DAB2IP: variants seen among roughly 807,000 people sequenced by gnomAD.
DAB2IP encodes disabled homolog 2-interacting protein.
In DAB2IP, 28 loss-of-function variants were observed where a neutral mutation model predicts 107.2. The ratio of observed to expected loss-of-function variants is 0.26; its 90% CI spans 0.19 to 0.36. The LOEUF (loss-of-function observed/expected upper bound fraction) is 0.36, where lower values mean the gene tolerates loss of function less well. Among genes scored for constraint, DAB2IP ranks in the 10% least tolerant of loss-of-function variants. DAB2IP has a pLI of 1.00. For synonymous variants in DAB2IP, 755 were observed against 706.4 expected, an observed-to-expected ratio of 1.07 and a Z score of -1.09; for missense variants, 1,400 against 1,644.7, an observed-to-expected ratio of 0.85 and a Z score of 2.57.
chr9:121,661,478 G>T (rs1348644301), intron 1 of DAB2IP, among the ~76,000 whole-genome samples: 1 of 152,028 alleles, frequency 6.6e-6, no homozygotes, highest in East Asian at 1.9e-4. Context: ...GAGCTTCAGG[G>T]AACCCAGGCT....
rs376689383 is a variant in DAB2IP, at chr9:121,746,862, G to T, written c.363-10151G>T. ...GGCTGTTGGAGGTATTTATGGTCCC[G>T]GGTGGGGTGCAGGGACCAGTTAGAA... On this transcript the variant is annotated intron_variant, in intron 3 of 15. Coordinates refer to ENST00000408936, the Ensembl canonical transcript of DAB2IP. Among the ~76,000 whole-genome samples, 5 of 152,312 alleles carry T rather than the reference G, an allele frequency of 3.3e-5. 1 individual carries two copies. The East Asian group carries it at 5.8e-4, about 18-fold the overall frequency.
intron 1 of DAB2IP, chr9:121,575,070 G>A (rs1055909053): frequency 6.6e-6 from 1 of 152,580 alleles, no homozygotes; most frequent in Non-Finnish European, 1.5e-5. Flanking sequence ...GCGGGGAAGA[G>A]CCAGGATAAA....
At chr9:121,758,810 C>A (rs2118962503) in intron 4 of DAB2IP, 88 bp from the exon 5 acceptor site, 1 of 1,175,786 alleles carries the variant, frequency 8.5e-7, no homozygotes, top group East Asian at 2.4e-5. Context: ...TGGCCAGAGT[C>A]CCCTGAGCCT....
intron 1 of DAB2IP, among the ~76,000 whole-genome samples, chr9:121,669,658 A>T (rs765376701): frequency 2.0e-5 from 3 of 152,162 alleles, no homozygotes; most frequent in Non-Finnish European, 4.4e-5. Context: ...TAAAGCTGTG[A>T]CTGGTAAAGT....
chr9:121,720,221 G>C (rs1349237941), intron 3 of DAB2IP, among the ~76,000 whole-genome samples: 1 of 152,186 alleles, frequency 6.6e-6, no homozygotes, highest in Admixed American at 6.5e-5. Context: ...GCAGTTCTCA[G>C]GGTGTGGCAG....
intron 1 of DAB2IP, chr9:121,598,678 G>A (rs150663826): frequency 0.011 from 1,710 of 152,384 alleles, 17 homozygotes; most frequent in Middle Eastern, 0.058. Flanking sequence ...GCACTTGCCC[G>A]GGGCCTGTTT....
At chr9:121,686,191 C>G (rs538601833) in intron 2 of DAB2IP, among the ~76,000 whole-genome samples, 13 of 152,176 alleles carry the variant, frequency 8.5e-5, no homozygotes, top group Admixed American at 4.6e-4. Context: ...TCCAACCCCC[C>G]CAACATCTGT....
chr9:121,641,405 C>T (rs1004491986), intron 1 of DAB2IP, among the ~76,000 whole-genome samples: 1 of 152,178 alleles, frequency 6.6e-6, no homozygotes, highest in Non-Finnish European at 1.5e-5. Flanking sequence ...CAGTGCTTGC[C>T]TCTCCTCTAA....
intron 1 of DAB2IP, among the ~76,000 whole-genome samples, chr9:121,592,086 G>T (rs570589655): frequency 9.2e-5 from 14 of 152,288 alleles, no homozygotes; most frequent in African/African-American, 3.4e-4. Flanking sequence ...TGCAGATCTG[G>T]CCAGGCGCCA....
At chr9:121,608,006 G>A (rs1196679088) in intron 1 of DAB2IP, among the ~76,000 whole-genome samples, 3 of 152,258 alleles carry the variant, frequency 2.0e-5, no homozygotes, top group Non-Finnish European at 4.4e-5. Context: ...AATCAAAGCT[G>A]GCGCTGCTTC....
chr9:121,639,744 T>G (rs767862360), intron 1 of DAB2IP, among the ~76,000 whole-genome samples: 1 of 152,154 alleles, frequency 6.6e-6, no homozygotes, highest in Non-Finnish European at 1.5e-5. Flanking sequence ...GGCTGCAGTT[T>G]GGACAAAGCA....
chr9:121,625,062 C>T (rs996762448), intron 1 of DAB2IP, among the ~76,000 whole-genome samples: 9 of 152,170 alleles, frequency 5.9e-5, no homozygotes, highest in Admixed American at 1.3e-4. Flanking sequence ...CCTGCTTTGG[C>T]AGTCAGCCCC....
At chr9:121,766,462 A>T in intron 8 of DAB2IP, 32 bp from the exon 9 acceptor site, 1 of 1,590,214 alleles carries the variant, frequency 6.3e-7, no homozygotes, top group Non-Finnish European at 8.5e-7. Context: ...CCTGCCTGAC[A>T]GCCAAGCCCA....
intron 1 of DAB2IP, among the ~76,000 whole-genome samples, chr9:121,624,940 G>A (rs774192364): frequency 6.6e-6 from 1 of 152,208 alleles, no homozygotes; most frequent in Non-Finnish European, 1.5e-5. Flanking sequence ...GCTGCGAGAA[G>A]AGCACGCTGC....
intron 3 of DAB2IP, among the ~76,000 whole-genome samples, chr9:121,754,569 C>T (rs771339419): frequency 2.0e-5 from 3 of 152,158 alleles, no homozygotes; most frequent in Non-Finnish European, 2.9e-5. Context: ...CCAGGTAGGC[C>T]GGGCCAGTCC....
At chr9:121,740,452 C>CT (rs767286861) in intron 3 of DAB2IP, among the ~76,000 whole-genome samples, 6 of 152,208 alleles carry the variant, frequency 3.9e-5, no homozygotes, top group Non-Finnish European at 8.8e-5. Context: ...TGGAGCCTGG[C>CT]TTACCTCAAG....
rs759469821 is a variant in DAB2IP at position 121,763,891 on chromosome 9, G to A, written c.1460+12G>A. 2.3e-5 allele frequency: 37 copies of A among 1,612,352 alleles called. No individual in the cohort carries two copies. The highest frequency in any genetic ancestry group is 2.9e-5 in the Non-Finnish European group (34 of 1,178,934). On this transcript the variant is annotated intron_variant, in intron 8 of 15. Transcript: ENST00000408936. ...ATCAACTCCTACTGGTCAGTGCGGTGCCCAGGTCTCCCCACCCTGTCGCCT... is the reference window on the plus strand; with the variant it reads ...ATCAACTCCTACTGGTCAGTGCGGTACCCAGGTCTCCCCACCCTGTCGCCT...
Position 121,757,278 on chromosome 9 carries a change from G to GATCTT in DAB2IP, c.516+112_516+113insATCTT, listed in dbSNP as rs1419756417. The GATCTT allele has an allele frequency of 6.2e-4, 864 of 1,391,292 alleles. 2 individuals are homozygous for GATCTT. Among genetic ancestry groups the GATCTT allele is most frequent in the East Asian group, 3.2e-3 (131 of 40,628 alleles). 86.2% of individuals were successfully genotyped at this position (1,391,292 alleles called of 1,614,324 possible). On this transcript the variant is annotated intron_variant, in intron 4 of 15. Coordinates refer to ENST00000408936, the Ensembl canonical transcript of DAB2IP. ...CTGCTGTGGCCTCAGCAGGGGCCAG[G>GATCTT]GTCTTGGGGACAGTGGCTAGTAGTT... is the stretch of plus-strand genomic sequence containing the variant.
At chr9:121,769,125 C>T (rs772188497) in intron 10 of DAB2IP, among the ~76,000 whole-genome samples, 4 of 152,220 alleles carry the variant, frequency 2.6e-5, no homozygotes, top group African/African-American at 9.6e-5. Flanking sequence ...TTCACTGACC[C>T]CCAGCCTCAG....
Sources: gnomAD v4.1 joint callset for allele counts (sites outside exome capture counted in the v4.1 genomes callset) on GRCh38, gnomAD v4.1.1 for gene constraint, MANE v1.5 for transcripts, NCBI Gene and HGNC (gene_info 2026-07-23, HGNC 2026-07-21) for gene names.